Variants in FCRL4 observed in about 807,000 individuals in gnomAD.
FCRL4 encodes Fc receptor like 4, also known as Fc receptor-like protein 4.
A neutral mutation model predicts 64.1 loss-of-function variants in FCRL4; 43 were observed. That is an observed-to-expected ratio of 0.67 (90% CI 0.53 to 0.87). The LOEUF is 0.87. Ranked by LOEUF, FCRL4 falls within the 40% of genes least tolerant of loss-of-function variation. FCRL4 has a pLI of 0.00. For missense variants in FCRL4, 656 were observed against 613.5 expected (o/e 1.07, Z -0.73); for synonymous variants, 253 against 239.8 (o/e 1.05, Z -0.51).
rs773486695 is a variant in FCRL4, at chr1:157,587,387, G to A, written c.736C>T (p.Leu246Phe). 7.4e-6 allele frequency: 12 copies of A among 1,614,130 alleles called. No individual in the cohort carries two copies. The highest frequency in any genetic ancestry group is 1.6e-4 in the Middle Eastern group (1 of 6,084). ...ILSDWSTYPELQLPTVWRENS... is the reference protein window; with the variant it reads ...ILSDWSTYPEFQLPTVWRENS... ...TCTCTCCAGACGGTTGGGAGCTGGAGTTCCGGGTACGTGCTCCAGTCTGAC... is the reference window on the plus strand; with the variant it reads ...TCTCTCCAGACGGTTGGGAGCTGGAATTCCGGGTACGTGCTCCAGTCTGAC... The change falls in exon 5 of 12, where the codon CTC becomes TTC. Residue 246 changes from leucine (L) to phenylalanine (F), a missense_variant. By Grantham distance (22) the Leu-to-Phe change is conservative (BLOSUM62 0). Transcript: ENST00000271532.
At chr1:157,590,450 AT>A (rs11340239) in intron 2 of FCRL4, among the ~76,000 whole-genome samples, 7,314 of 150,342 alleles carry the variant, frequency 0.049, 468 homozygotes, top group African/African-American at 0.15. Context: ...TCCTTGAGCC[AT>A]TTTTTTTCTT....
At chr1:157,597,281 G>A (rs1171023495) in intron 1 of FCRL4, among the ~76,000 whole-genome samples, 2 of 152,146 alleles carry the variant, frequency 1.3e-5, no homozygotes, top group South Asian at 2.1e-4. Context: ...CTGGGGATCA[G>A]GTGGGAACTA....
intron 2 of FCRL4, among the ~76,000 whole-genome samples, chr1:157,593,921 C>T (rs1652897973): frequency 6.6e-6 from 1 of 152,154 alleles, no homozygotes. Flanking sequence ...ACTATCTAGC[C>T]TTCTCCAAGA....
chr1:157,579,705 T>A (rs1652514455), intron 8 of FCRL4, among the ~76,000 whole-genome samples: 1 of 50,692 alleles, frequency 2.0e-5, no homozygotes. Context: ...TGACAATACA[T>A]ACATACATAC....
rs1652534909 is a variant in FCRL4, at chr1:157,580,418, G to A, written c.1250-70C>T. 5 of 1,524,130 alleles carry A rather than the reference G, an allele frequency of 3.3e-6. No individual in the cohort carries two copies. The South Asian group carries it at 3.4e-5, about 10-fold the overall frequency. 94.4% of individuals were successfully genotyped at this position (1,524,130 alleles called of 1,614,324 possible). On this transcript the variant is annotated intron_variant, in intron 7 of 11. Coordinates refer to ENST00000271532, the MANE Select transcript of FCRL4 (RefSeq NM_031282.3). ...CTTTCTCAATGACTTCATGTAACAG[G>A]AGCTATCTAAGAGAGGTAATCAAGA... is the stretch of plus-strand genomic sequence containing the variant.
chr1:157,593,192 A>G (rs924641491), intron 2 of FCRL4, among the ~76,000 whole-genome samples: 1 of 152,192 alleles, frequency 6.6e-6, no homozygotes, highest in Non-Finnish European at 1.5e-5. Context: ...ATAGGTAACA[A>G]ACCTGCATGT....
chr1:157,575,524 T>C lies in FCRL4; in HGVS notation c.1548A>G (p.Ter516=). The C allele has an allele frequency of 6.2e-7, 1 of 1,612,120 alleles. No homozygotes were observed. Among genetic ancestry groups the C allele is most frequent in the Non-Finnish European group, 8.5e-7 (1 of 1,178,634 alleles). ...GKISSKDEES[*] is the part of the protein sequence containing the mutation. The stretch of plus-strand genomic sequence containing the variant: ...GACGTTCTCGTAACTTTTCATTCTC[T>C]TAACTTTCTTCATCCTTAGAGCTGA... The change falls in exon 12 of 12, where the codon TAA becomes TAG. Residue 516 remains the stop codon, a stop_retained_variant. Coordinates refer to ENST00000271532, the MANE Select transcript of FCRL4 (RefSeq NM_031282.3).
chr1:157,595,981 T>C (rs1029699474), intron 2 of FCRL4, among the ~76,000 whole-genome samples: 1 of 152,348 alleles, frequency 6.6e-6, no homozygotes, highest in Admixed American at 6.5e-5. Flanking sequence ...CTCTGAAGTA[T>C]TGGCTTATTT....
rs146019210 is a variant in FCRL4 at position 157,582,318 on chromosome 1, G to A, written c.1136-674C>T. On this transcript the variant is annotated intron_variant, in intron 6 of 11. Coordinates refer to ENST00000271532, the MANE Select transcript of FCRL4 (RefSeq NM_031282.3). ...ATTTACTGAGGCTGCCCTGTGCTGG[G>A]CATTGACCTAACCCTTGAAGACCCA... Among the ~76,000 whole-genome samples the A allele has an allele frequency of 5.0e-3, 755 of 152,268 alleles. 4 individuals are homozygous for A. Among genetic ancestry groups the A allele is most frequent in the African/African-American group, 0.016 (669 of 41,550 alleles).
chr1:157,585,387 T>C (rs377144822), intron 6 of FCRL4, among the ~76,000 whole-genome samples: 118 of 101,988 alleles, frequency 1.2e-3, no homozygotes, highest in African/African-American at 2.1e-3. Context: ...TCTTTCTTTC[T>C]TTCTTTCCTT....
chr1:157,586,162 A>G lies in FCRL4; in HGVS notation c.1135+6T>C, dbSNP rs1322367896. The G allele has an allele frequency of 6.3e-7, 1 of 1,599,892 alleles. No homozygotes were observed. Among genetic ancestry groups the G allele is most frequent in the Non-Finnish European group, 8.5e-7 (1 of 1,169,814 alleles). ...ATAAATAAGGTCAATAGAGATTAAA[A>G]CTCACCTCTCACAGTGACATTCAGC... On this transcript the variant is annotated splice_donor_region_variant and intron_variant, in intron 6 of 11. Coordinates refer to ENST00000271532, the MANE Select transcript of FCRL4 (RefSeq NM_031282.3).
At chr1:157,589,910 C>CA (rs1652802008) in intron 2 of FCRL4, among the ~76,000 whole-genome samples, 1 of 152,106 alleles carries the variant, frequency 6.6e-6, no homozygotes, top group African/African-American at 2.4e-5. Flanking sequence ...TTATTTTGAG[C>CA]TAAAGGCTAT....
chr1:157,588,193 G>C lies in FCRL4; in HGVS notation c.308-74C>G, dbSNP rs147715929. ...CTCCTTCTTCTCTTGAATTACAAAGGCTTTATTGTTTTCTTCTTTCTTCCA... is the reference window on the plus strand; with the variant it reads ...CTCCTTCTTCTCTTGAATTACAAAGCCTTTATTGTTTTCTTCTTTCTTCCA... On this transcript the variant is annotated intron_variant, in intron 3 of 11. Coordinates refer to ENST00000271532, the MANE Select transcript of FCRL4 (RefSeq NM_031282.3). 579 of 1,497,814 alleles carry C rather than the reference G, an allele frequency of 3.9e-4. 4 individuals carry two copies. In the African/African-American group the frequency reaches 7.3e-3, roughly 19 times the overall value. 92.8% of individuals were successfully genotyped at this position (1,497,814 alleles called of 1,614,324 possible). A position where few individuals can be genotyped will look rare whatever the true frequency, so the allele number is the denominator to read the frequency against.
rs753898942 is a variant in FCRL4, at chr1:157,589,244, G to T, written c.267C>A (p.Gly89=). ...AGCGCACAGGGTTACTTCGTGGGGA[G>T]CCCCGGGCCTGGCATCTGTACAGTC... ...ESGLYRCQAR[G]SPRSNPVRLL... The change falls in exon 3 of 12, where the codon GGC becomes GGA. Residue 89 remains glycine, a synonymous_variant. Transcript: ENST00000271532. The T allele has an allele frequency of 2.5e-6, 4 of 1,614,192 alleles. No homozygotes were observed. Among genetic ancestry groups the T allele is most frequent in the Admixed American group, 1.7e-5 (1 of 60,026 alleles).
At chr1:157,587,763 T>C (rs1202789241) in intron 4 of FCRL4, 102 bp downstream of exon 4, 1 of 1,259,162 alleles carries the variant, frequency 7.9e-7, no homozygotes, top group Non-Finnish European at 1.1e-6. Context: ...GTGCCTCTCA[T>C]CTATCCAGAG....
At chr1:157,589,581 T>C in intron 2 of FCRL4, 123 bp from the exon 3 acceptor site, 2 of 1,257,616 alleles carry the variant, frequency 1.6e-6, no homozygotes, top group Non-Finnish European at 1.1e-6. Context: ...GGATGACTTC[T>C]GTTTACCCAG....
chr1:157,578,746 A>T (rs765493899), intron 9 of FCRL4, 24 bp downstream of exon 9: 1 of 1,607,610 alleles, frequency 6.2e-7, no homozygotes, highest in African/African-American at 1.3e-5. Context: ...GGCCAGGAAC[A>T]GCTTCCTAGA....
chr1:157,596,344 T>C lies in FCRL4; in HGVS notation c.36A>G (p.Pro12=), dbSNP rs746776337. 1.9e-6 allele frequency: 3 copies of C among 1,614,012 alleles called. No homozygotes were observed. The highest frequency in any genetic ancestry group is 2.5e-6 in the Non-Finnish European group (3 of 1,179,960). Residue 12 remains proline, a synonymous_variant, in exon 2 of 12, where the codon CCA becomes CCG. Transcript: ENST00000271532. ...AGGACTTACCAGATTGTCCACAGACTGGAGCTGAAAGAGAGTAAAGAGCCA... is the reference window on the plus strand; with the variant it reads ...AGGACTTACCAGATTGTCCACAGACCGGAGCTGAAAGAGAGTAAAGAGCCA... ...LLWASLLAFA[P]VCGQSAAAHK... is the part of the protein sequence containing the mutation.
chr1:157,581,872 T>C (rs1475585875), intron 6 of FCRL4, among the ~76,000 whole-genome samples: 1 of 152,246 alleles, frequency 6.6e-6, no homozygotes, highest in Non-Finnish European at 1.5e-5. Flanking sequence ...TGAATCATTT[T>C]AGAAACTAAC....
Sources: gnomAD v4.1 joint callset for allele counts (sites outside exome capture counted in the v4.1 genomes callset) on GRCh38, gnomAD v4.1.1 for gene constraint, MANE v1.5 for transcripts, NCBI Gene and HGNC (gene_info 2026-07-23, HGNC 2026-07-21) for gene names.